Variants in UBA6 observed in about 807,000 individuals in gnomAD.
The protein encoded by UBA6 is ubiquitin-like modifier-activating enzyme 6.
In UBA6, 87 loss-of-function variants were observed where a neutral mutation model predicts 148.3. That is an observed-to-expected ratio of 0.59 (90% CI 0.49 to 0.70). UBA6 has a LOEUF of 0.70. Ranked by LOEUF, UBA6 falls within the 30% of genes least tolerant of loss-of-function variation. The pLI, the probability that UBA6 is intolerant of heterozygous loss-of-function variation, is 0.00. For missense variants in UBA6, 1,186 were observed against 1,241.2 expected (o/e 0.96, Z 0.67); for synonymous variants, 376 against 401.0 (o/e 0.94, Z 0.75).
chr4:67,643,545 T>G (rs1053718452), intron 17 of UBA6, among the ~76,000 whole-genome samples: 4 of 152,076 alleles, frequency 2.6e-5, no homozygotes, highest in Non-Finnish European at 5.9e-5. Flanking sequence ...TTTCAATTTC[T>G]CATTAGTGAC....
At position 67,615,651 on chromosome 4, in the gene UBA6, T is replaced by C. The variant is rs1728610489; in HGVS notation, c.*3346A>G. ...TCCCAATTGTCTACAGTAAATAAAT[T>C]GTGGCATATTAACAGAAAAGTAAAT... On this transcript the variant is annotated 3_prime_UTR_variant, in exon 33 of 33. Transcript: ENST00000322244. 1 of 152,428 alleles carries C rather than the reference T, an allele frequency of 6.6e-6. No individual in the cohort carries two copies. The highest frequency in any genetic ancestry group is 6.6e-5 in the Admixed American group (1 of 15,262). The allele number at this position is 152,428 out of a possible 1,614,324, so 9.4% of individuals were successfully genotyped here. A position where few individuals can be genotyped will look rare whatever the true frequency, so the allele number is the denominator to read the frequency against.
At chr4:67,665,406 G>T in intron 9 of UBA6, 114 bp from the exon 10 acceptor site, 5 of 593,444 alleles carry the variant, frequency 8.4e-6, no homozygotes, top group South Asian at 2.6e-5. Flanking sequence ...AAGAATTCCA[G>T]CATAGTGTTT....
chr4:67,694,695 C>A (rs1005722103), intron 2 of UBA6, among the ~76,000 whole-genome samples: 1 of 152,166 alleles, frequency 6.6e-6, no homozygotes, highest in Non-Finnish European at 1.5e-5. Flanking sequence ...CTGTGCCTGG[C>A]CACATCTTTG....
At chr4:67,626,274 T>C (rs145907380) in intron 28 of UBA6, 86 bp downstream of exon 28, 51 of 779,532 alleles carry the variant, frequency 6.5e-5, no homozygotes, top group East Asian at 5.5e-4. Flanking sequence ...TTGTTGTGAT[T>C]AAATTCCACA....
chr4:67,637,935 T>TATAAATAAATAAATAAATAA (rs71219062), intron 19 of UBA6, among the ~76,000 whole-genome samples: 19 of 143,832 alleles, frequency 1.3e-4, no homozygotes, highest in African/African-American at 4.6e-4. Context: ...GAATGATCAA[T>TATAAATAAATAAATAAATAA]ATAAATAAAT....
At position 67,613,440 on chromosome 4, in the gene UBA6, A is replaced by G. The variant is rs370155210; in HGVS notation, c.*5557T>C. On this transcript the variant is annotated 3_prime_UTR_variant, in exon 33 of 33. Transcript: ENST00000322244. ...AATTATGCTTTTCATTTTGAAGCAG[A>G]TAAGAAATTGAAAATTTCAGCAAGA... is the stretch of plus-strand genomic sequence containing the variant. 56 of 152,350 alleles carry G rather than the reference A, an allele frequency of 3.7e-4. No individual in the cohort carries two copies. The highest frequency in any genetic ancestry group is 1.3e-3 in the African/African-American group (52 of 41,574). The allele number at this position is 152,350 out of a possible 1,614,324, so 9.4% of individuals were successfully genotyped here.
At chr4:67,638,788 T>A (rs544334122) in intron 19 of UBA6, among the ~76,000 whole-genome samples, 155 bp downstream of exon 19, 1 of 152,308 alleles carries the variant, frequency 6.6e-6, no homozygotes, top group East Asian at 1.9e-4. Flanking sequence ...ATTCTAAGTA[T>A]AATGAGAAAT....
At chr4:67,644,535 A>C (rs754468332) in intron 17 of UBA6, among the ~76,000 whole-genome samples, 163 bp downstream of exon 17, 1 of 152,198 alleles carries the variant, frequency 6.6e-6, no homozygotes, top group Non-Finnish European at 1.5e-5. Context: ...ACAAGGTAAC[A>C]TAAGTTTTGA....
chr4:67,635,265 C>G (rs1247762794), intron 20 of UBA6, among the ~76,000 whole-genome samples, 188 bp downstream of exon 20: 1 of 151,746 alleles, frequency 6.6e-6, no homozygotes, highest in East Asian at 1.9e-4. Context: ...TCCAGAAACA[C>G]CAGACACAAA....
intron 6 of UBA6, among the ~76,000 whole-genome samples, chr4:67,676,019 CTT>C (rs397878783): frequency 2.8e-3 from 326 of 117,118 alleles, no homozygotes; most frequent in Non-Finnish European, 4.3e-3. Flanking sequence ...ATAGTACTAC[CTT>C]TTTTTTTTTT....
At chr4:67,659,652 A>ATGTATTT (rs1729799839) in intron 13 of UBA6, among the ~76,000 whole-genome samples, 2 of 151,912 alleles carry the variant, frequency 1.3e-5, no homozygotes, top group Admixed American at 6.6e-5. Context: ...TTTATATAGC[A>ATGTATTT]TATGCAGTGT....
At chr4:67,647,334 T>C (rs1448272581) in intron 14 of UBA6, among the ~76,000 whole-genome samples, 1 of 151,882 alleles carries the variant, frequency 6.6e-6, no homozygotes, top group East Asian at 1.9e-4. Context: ...TTAGTAGACA[T>C]GGGGTTTCAC....
At chr4:67,634,207 G>C (rs529574372) in intron 22 of UBA6, 35 bp downstream of exon 22, 2 of 1,393,560 alleles carry the variant, frequency 1.4e-6, no homozygotes, top group Non-Finnish European at 2.0e-6. Context: ...CTGACACAAA[G>C]TGTTAAGTTT....
chr4:67,649,010 T>TA, intron 14 of UBA6, 58 bp downstream of exon 14: 1 of 1,547,640 alleles, frequency 6.5e-7, no homozygotes, highest in South Asian at 1.3e-5. Flanking sequence ...TACATTATAA[T>TA]ATGTAACACA....
intron 31 of UBA6, 83 bp from the exon 32 acceptor site, chr4:67,623,008 T>C: frequency 7.3e-7 from 1 of 1,365,006 alleles, no homozygotes; most frequent in East Asian, 2.3e-5. Flanking sequence ...GTAAACAATG[T>C]TTTATGACCA....
chr4:67,655,069 T>TA (rs1470070905), intron 13 of UBA6, among the ~76,000 whole-genome samples: 14 of 152,110 alleles, frequency 9.2e-5, no homozygotes, highest in African/African-American at 2.7e-4. Context: ...TACAAAGACT[T>TA]AGACTCCCAC....
chr4:67,679,131 TA>T (rs1169143773), intron 4 of UBA6, among the ~76,000 whole-genome samples: 1 of 152,026 alleles, frequency 6.6e-6, no homozygotes, highest in Non-Finnish European at 1.5e-5. Flanking sequence ...GGATATGCTA[TA>T]AAGAGATAGC....
intron 14 of UBA6, among the ~76,000 whole-genome samples, chr4:67,647,023 CACTT>C (rs1188698144): frequency 2.6e-5 from 4 of 152,044 alleles, no homozygotes; most frequent in Admixed American, 2.0e-4. Context: ...TGATTCATGT[CACTT>C]AGCCATCACA....
intron 17 of UBA6, among the ~76,000 whole-genome samples, chr4:67,641,548 C>G (rs184161963): frequency 6.6e-6 from 1 of 152,142 alleles, no homozygotes; most frequent in Non-Finnish European, 1.5e-5. Context: ...TGCAGAGGAG[C>G]TAGCTCTTCT....
Sources: gnomAD v4.1 joint callset for allele counts (sites outside exome capture counted in the v4.1 genomes callset) on GRCh38, gnomAD v4.1.1 for gene constraint, MANE v1.5 for transcripts, NCBI Gene and HGNC (gene_info 2026-07-23, HGNC 2026-07-21) for gene names.